The following SPEF2 variants were observed in gnomAD, a reference collection of about 807,000 sequenced individuals.
SPEF2 encodes sperm flagellar and cilia associated 2.
Under a neutral mutation model 224.6 loss-of-function variants are expected in SPEF2, and 187 were observed. The observed-to-expected ratio is 0.83, with a 90% CI of 0.74 to 0.94. SPEF2 has a LOEUF of 0.94. Ranked by LOEUF, SPEF2 falls within the 40% of genes least tolerant of loss-of-function variation. SPEF2 has a pLI of 0.00. For missense variants in SPEF2, 2,170 were observed against 2,135.6 expected, an observed-to-expected ratio of 1.02 and a Z score of -0.32; for synonymous variants, 715 against 707.3, an observed-to-expected ratio of 1.01 and a Z score of -0.17.
intron 10 of SPEF2, among the ~76,000 whole-genome samples, chr5:35,677,134 A>G (rs1752137651): frequency 6.6e-6 from 1 of 152,220 alleles, no homozygotes; most frequent in African/African-American, 2.4e-5. Flanking sequence ...CAAGGTAGGC[A>G]GAACAAGTCA....
chr5:35,674,808 C>T (rs551271660), intron 10 of SPEF2, among the ~76,000 whole-genome samples: 70 of 152,190 alleles, frequency 4.6e-4, no homozygotes, highest in African/African-American at 1.6e-3. Flanking sequence ...GAGACACAAA[C>T]ATTCAGCCCA....
At chr5:35,760,358 G>T (rs1193529333) in intron 25 of SPEF2, among the ~76,000 whole-genome samples, 23 of 30,832 alleles carry the variant, frequency 7.5e-4, no homozygotes, top group African/African-American at 1.6e-3. Context: ...GGGAGACTCC[G>T]TCTAAAAAAA....
At chr5:35,670,270 C>G in intron 10 of SPEF2, 43 bp downstream of exon 10, 1 of 1,524,434 alleles carries the variant, frequency 6.6e-7, no homozygotes, top group South Asian at 1.3e-5. Flanking sequence ...CATAATAAAT[C>G]CTTTTTCTTT....
Position 35,771,701 on chromosome 5 carries a change from T to A in SPEF2, c.3894T>A (p.Asn1298Lys). The part of the protein sequence containing the change: ...PKEKSPQMGA[N>K]KKVKKEPPKK... ...AAAAATCTCCTCAGATGGGTGCAAA[T>A]AAAAAAGTCAAAAAGGAGCCACCCA... The change falls in exon 27 of 37, where the codon AAT becomes AAA. Residue 1298 changes from asparagine (N) to lysine (K), a missense_variant. Transcript: ENST00000356031. The A allele has an allele frequency of 6.2e-7, 1 of 1,600,648 alleles. No homozygotes were observed. Among genetic ancestry groups the A allele is most frequent in the Admixed American group, 1.8e-5 (1 of 56,916 alleles).
In SPEF2 at chr5:35,779,355, A is replaced by C. The variant is rs757921461; in HGVS notation, c.4447+9A>C. ...AGATATGGCACCTAAAGGTAGGAAA[A>C]ATAATTATCATGAAAAGAGCACAAA... On this transcript the variant is annotated intron_variant, in intron 30 of 36. Transcript: ENST00000356031. 4 of 1,578,622 alleles carry C rather than the reference A, an allele frequency of 2.5e-6. No homozygotes were observed. The highest frequency in any genetic ancestry group is 3.4e-6 in the Non-Finnish European group (4 of 1,162,348).
chr5:35,766,542 CT>C (rs888588957), intron 26 of SPEF2, among the ~76,000 whole-genome samples: 1 of 151,806 alleles, frequency 6.6e-6, no homozygotes. Flanking sequence ...TGCTTTTCCT[CT>C]TTTTTTTAAA....
At chr5:35,680,760 G>T (rs6895275) in intron 10 of SPEF2, among the ~76,000 whole-genome samples, 3,035 of 152,194 alleles carry the variant, frequency 0.02, 113 homozygotes, top group African/African-American at 0.07. Context: ...ATGCAAAACG[G>T]ACCTAACCCT....
chr5:35,750,996 T>G (rs868234664), intron 23 of SPEF2, among the ~76,000 whole-genome samples: 4 of 113,986 alleles, frequency 3.5e-5, no homozygotes, highest in Non-Finnish European at 5.3e-5. Flanking sequence ...TATATATATA[T>G]GTATATATAT....
At chr5:35,779,959 A>T (rs1034148503) in intron 30 of SPEF2, among the ~76,000 whole-genome samples, 4 of 152,138 alleles carry the variant, frequency 2.6e-5, no homozygotes, top group African/African-American at 7.2e-5. Context: ...CTACTTCCAG[A>T]TATTCTTCAA....
chr5:35,793,468 G>A, intron 32 of SPEF2, 127 bp downstream of exon 32: 1 of 852,262 alleles, frequency 1.2e-6, no homozygotes, highest in Non-Finnish European at 1.7e-6. Context: ...CCATGTCTAG[G>A]CACCCAGAGG....
chr5:35,789,096 G>A (rs1246078770), intron 30 of SPEF2: 3 of 690,454 alleles, frequency 4.3e-6, no homozygotes, highest in Middle Eastern at 2.3e-4. Context: ...CTTTCCTTGA[G>A]CTCCTTGGAA....
At chr5:35,672,255 AT>A (rs2149483400) in intron 10 of SPEF2, among the ~76,000 whole-genome samples, 1 of 61,150 alleles carries the variant, frequency 1.6e-5, no homozygotes, top group South Asian at 6.7e-4. Context: ...GTTATTGAAC[AT>A]AATGTTCATT....
At chr5:35,791,332 A>G (rs1755919833) in intron 30 of SPEF2, among the ~76,000 whole-genome samples, 1 of 152,194 alleles carries the variant, frequency 6.6e-6, no homozygotes, top group Admixed American at 6.5e-5. Context: ...CCAGATCTCA[A>G]AATTGTGTAT....
At chr5:35,712,333 C>T (rs1477406599) in intron 19 of SPEF2, among the ~76,000 whole-genome samples, 1 of 152,002 alleles carries the variant, frequency 6.6e-6, no homozygotes, top group African/African-American at 2.4e-5. Context: ...GGGCTCAAGC[C>T]ATCCTCTAGC....
chr5:35,692,117 G>T (rs545906447), intron 11 of SPEF2, among the ~76,000 whole-genome samples: 51 of 152,140 alleles, frequency 3.4e-4, no homozygotes, highest in African/African-American at 1.1e-3. Flanking sequence ...TTTTTAAAAA[G>T]AAGCTTGATC....
At chr5:35,690,829 T>A (rs946968023) in intron 10 of SPEF2, among the ~76,000 whole-genome samples, 1 of 152,164 alleles carries the variant, frequency 6.6e-6, no homozygotes, top group Admixed American at 6.5e-5. Flanking sequence ...GATTTTTTAG[T>A]TTTTTTCTTT....
At chr5:35,764,899 C>G (rs1751886999) in intron 26 of SPEF2, 1 of 360,532 alleles carries the variant, frequency 2.8e-6, no homozygotes, top group African/African-American at 2.1e-5. Context: ...TTTCGAAAAA[C>G]ATTTTAGTAT....
chr5:35,764,233 T>C (rs763581180), intron 26 of SPEF2, among the ~76,000 whole-genome samples: 41 of 152,124 alleles, frequency 2.7e-4, no homozygotes, highest in Admixed American at 2.6e-4. Flanking sequence ...GGGCTCTATT[T>C]GGCAACCCCT....
intron 9 of SPEF2, 32 bp downstream of exon 9, chr5:35,667,291 C>A (rs1160842311): frequency 6.6e-7 from 1 of 1,519,380 alleles, no homozygotes; most frequent in Non-Finnish European, 9.0e-7. Flanking sequence ...ACAGTAGAGA[C>A]ACGATAGAGA....
Sources: allele counts gnomAD v4.1 joint callset (sites outside exome capture counted in the v4.1 genomes callset), GRCh38; gene constraint gnomAD v4.1.1; transcripts MANE v1.5; gene names NCBI Gene and HGNC (gene_info 2026-07-23, HGNC 2026-07-21).